AGBL4: variants seen among roughly 807,000 people sequenced by gnomAD.
The protein encoded by AGBL4 is cytosolic carboxypeptidase 6.
AGBL4 carries 58 observed loss-of-function variants against 66.4 expected under a neutral mutation model. The observed-to-expected ratio is 0.87, with a 90% CI of 0.71 to 1.09. AGBL4 has a LOEUF of 1.09. Among genes scored for constraint, AGBL4 ranks in the 50% least tolerant of loss-of-function variants. AGBL4 has a pLI of 0.00. For synonymous variants in AGBL4, 234 were observed against 222.9 expected (o/e 1.05, Z -0.44); for missense variants, 579 against 631.0 (o/e 0.92, Z 0.88).
chr1:48,880,198 T>A (rs993098993), intron 5 of AGBL4, among the ~76,000 whole-genome samples: 3 of 152,170 alleles, frequency 2.0e-5, no homozygotes, highest in African/African-American at 7.2e-5. Context: ...CTACCACTTA[T>A]GAGTGAGAAC....
At chr1:49,207,500 T>C (rs1648266133) in intron 4 of AGBL4, among the ~76,000 whole-genome samples, 1 of 151,694 alleles carries the variant, frequency 6.6e-6, no homozygotes. Flanking sequence ...TTCTTTTCTT[T>C]CTTTCTTTTT....
chr1:49,376,191 G>C (rs1644468095), intron 3 of AGBL4, among the ~76,000 whole-genome samples: 2 of 151,938 alleles, frequency 1.3e-5, no homozygotes, highest in African/African-American at 4.8e-5. Context: ...TTTATGCCTT[G>C]GTGCTATTGC....
At chr1:48,963,187 A>T (rs1658145908) in intron 5 of AGBL4, among the ~76,000 whole-genome samples, 2 of 151,726 alleles carry the variant, frequency 1.3e-5, no homozygotes, top group South Asian at 4.2e-4. Flanking sequence ...AAGACAAAAG[A>T]CAAAAAGGAA....
intron 3 of AGBL4, among the ~76,000 whole-genome samples, chr1:49,687,891 A>G (rs1444703992): frequency 6.6e-6 from 1 of 152,212 alleles, no homozygotes; most frequent in Non-Finnish European, 1.5e-5. Context: ...TATCCTCTAC[A>G]TATTGAATAC....
At chr1:49,060,359 A>C (rs780814388) in intron 4 of AGBL4, among the ~76,000 whole-genome samples, 2 of 152,170 alleles carry the variant, frequency 1.3e-5, no homozygotes, top group African/African-American at 2.4e-5. Context: ...GATGCCTCCC[A>C]GCCATGCGGA....
At position 49,645,820 on chromosome 1, in the gene AGBL4, G is replaced by T. The variant is rs567175694; in HGVS notation, c.282+51493C>A. ...AATCAAATCCAATAATATATTAAAA[G>T]GATATTAAATAATGGCTAAGTATGG... On this transcript the variant is annotated intron_variant, in intron 3 of 13. Transcript: ENST00000371839. 5.6e-5 allele frequency among the ~76,000 whole-genome samples: 8 copies of T among 143,766 alleles called. No individual in the cohort carries two copies. The East Asian group carries it at 1.4e-3, about 26-fold the overall frequency. 94.3% of individuals were successfully genotyped at this position (143,766 alleles called of 152,430 possible). A position where few individuals can be genotyped will look rare whatever the true frequency, so the allele number is the denominator to read the frequency against.
intron 5 of AGBL4, among the ~76,000 whole-genome samples, chr1:48,976,375 T>C (rs1480248265): frequency 2.6e-5 from 4 of 152,154 alleles, no homozygotes; most frequent in East Asian, 1.9e-4. Flanking sequence ...CAATACTGAT[T>C]CTCTGATATG....
intron 2 of AGBL4, among the ~76,000 whole-genome samples, chr1:49,803,570 A>G (rs1644911418): frequency 6.6e-6 from 1 of 152,212 alleles, no homozygotes; most frequent in African/African-American, 2.4e-5. Context: ...CAATTCTGCC[A>G]CTAGCCAGCT....
intron 2 of AGBL4, among the ~76,000 whole-genome samples, chr1:49,767,553 TGAAAA>T (rs1235017673): frequency 3.3e-5 from 5 of 150,416 alleles, no homozygotes; most frequent in African/African-American, 1.2e-4. Context: ...GAGTATAAAA[TGAAAA>T]GAAGAAACAA....
At chr1:49,606,579 G>A (rs969245746) in intron 3 of AGBL4, among the ~76,000 whole-genome samples, 1 of 152,096 alleles carries the variant, frequency 6.6e-6, no homozygotes, top group Non-Finnish European at 1.5e-5. Context: ...GACCTGTCCT[G>A]ATTCATTCTT....
chr1:49,731,938 C>A (rs1649488119), intron 2 of AGBL4, among the ~76,000 whole-genome samples: 1 of 152,192 alleles, frequency 6.6e-6, no homozygotes, highest in African/African-American at 2.4e-5. Flanking sequence ...TAGAGGGAAA[C>A]TGACATTCTA....
intron 6 of AGBL4, among the ~76,000 whole-genome samples, chr1:48,844,320 C>T (rs972855706): frequency 1.3e-5 from 2 of 152,184 alleles, no homozygotes; most frequent in East Asian, 1.9e-4. Context: ...TTCATGAAAG[C>T]GTAGTCTCCA....
intron 2 of AGBL4, among the ~76,000 whole-genome samples, chr1:49,701,335 G>C (rs1344201985): frequency 6.6e-6 from 1 of 151,878 alleles, no homozygotes; most frequent in Non-Finnish European, 1.5e-5. Context: ...TTTGCTAAGA[G>C]AGTAGATCTT....
intron 4 of AGBL4, among the ~76,000 whole-genome samples, chr1:49,161,184 G>A (rs1646534231): frequency 6.6e-6 from 1 of 152,188 alleles, no homozygotes; most frequent in Non-Finnish European, 1.5e-5. Context: ...CTACTCTGTA[G>A]GCACTGGAGG....
chr1:49,592,459 AC>A (rs1644769588), intron 3 of AGBL4, among the ~76,000 whole-genome samples: 1 of 152,202 alleles, frequency 6.6e-6, no homozygotes, highest in African/African-American at 2.4e-5. Flanking sequence ...AATCCTAGCT[AC>A]TTGGGAGGCT....
intron 3 of AGBL4, among the ~76,000 whole-genome samples, chr1:49,376,649 G>T (rs373602679): frequency 6.6e-6 from 1 of 151,792 alleles, no homozygotes; most frequent in African/African-American, 2.4e-5. Context: ...TACTTTTTTG[G>T]TATGATATAT....
At chr1:49,830,067 C>T (rs904810523) in intron 2 of AGBL4, among the ~76,000 whole-genome samples, 7 of 152,118 alleles carry the variant, frequency 4.6e-5, no homozygotes, top group Admixed American at 4.6e-4. Flanking sequence ...AACAGTGCTG[C>T]AATAAACATA....
intron 2 of AGBL4, among the ~76,000 whole-genome samples, chr1:49,788,793 TTCCAAAC>T (rs1377356936): frequency 6.6e-6 from 1 of 151,866 alleles, no homozygotes; most frequent in Admixed American, 6.6e-5. Flanking sequence ...GTAATAAGAG[TTCCAAAC>T]AAAAAAGAGA....
rs553655044 is a variant in AGBL4 at position 49,374,276 on chromosome 1, C to T, written c.283-128412G>A. The T allele has an allele frequency of 4.0e-5, 6 of 151,698 alleles. No homozygotes were observed. The South Asian group carries it at 6.2e-4, about 16-fold the overall frequency. The allele number at this position is 151,698 out of a possible 1,614,324, so 9.4% of individuals were successfully genotyped here. ...TGAGCTCAGATAATGCTTCTATATC[C>T]GAAGCCAGTTGTCCTACTTTTTCAG... On this transcript the variant is annotated intron_variant, in intron 3 of 13. Coordinates refer to ENST00000371839, the MANE Select transcript of AGBL4 (RefSeq NM_032785.4).
Sources: allele counts gnomAD v4.1 joint callset (sites outside exome capture counted in the v4.1 genomes callset), GRCh38; gene constraint gnomAD v4.1.1; transcripts MANE v1.5; gene names NCBI Gene and HGNC (gene_info 2026-07-23, HGNC 2026-07-21).